ZBTB20: variants seen among roughly 807,000 people sequenced by gnomAD.
ZBTB20 encodes zinc finger and BTB domain-containing protein 20.
ZBTB20 carries 9 observed loss-of-function variants against 56.9 expected under a neutral mutation model. That is an observed-to-expected ratio of 0.16 (90% CI 0.10 to 0.28). The LOEUF (loss-of-function observed/expected upper bound fraction) is 0.28. Ranked by LOEUF, ZBTB20 falls within the 10% of genes least tolerant of loss-of-function variation. The pLI is 1.00. For missense variants in ZBTB20, 655 were observed against 1,003.0 expected, an observed-to-expected ratio of 0.65 and a Z score of 4.69; for synonymous variants, 417 against 420.7, an observed-to-expected ratio of 0.99 and a Z score of 0.11.
chr3:115,013,170 A>G (rs774782583), intron 2 of ZBTB20, among the ~76,000 whole-genome samples: 68 of 151,786 alleles, frequency 4.5e-4, no homozygotes, highest in Non-Finnish European at 7.8e-4. Context: ...CAAAAGCAAG[A>G]GCAAATCAAA....
intron 6 of ZBTB20, among the ~76,000 whole-genome samples, chr3:114,574,114 T>G (rs2053743270): frequency 6.6e-6 from 1 of 152,196 alleles, no homozygotes; most frequent in Non-Finnish European, 1.5e-5. Flanking sequence ...AAAATAACTT[T>G]AAGAACTATC....
intron 7 of ZBTB20, among the ~76,000 whole-genome samples, chr3:114,396,769 A>T (rs2086368962): frequency 6.6e-6 from 1 of 152,066 alleles, no homozygotes; most frequent in Non-Finnish European, 1.5e-5. Context: ...TATTTCTTGA[A>T]ATTTCTCAAA....
Position 115,132,776 on chromosome 3 carries a change from C to CA in ZBTB20, c.-703+14442dup, listed in dbSNP as rs150235427. On this transcript the variant is annotated intron_variant, in intron 1 of 11. Transcript: ENST00000675478. ...TGAGATCCTGTCTCAAAATAAAAGA[C>CA]AAAAAAAAACCCCCAAAATTTAGAA... Among the ~76,000 whole-genome samples, 1,041 of 150,566 alleles carry CA rather than the reference C, an allele frequency of 6.9e-3. 16 individuals are homozygous for CA. Among genetic ancestry groups the CA allele is most frequent in the African/African-American group, 0.024 (971 of 41,196 alleles).
At chr3:114,901,607 TA>T (rs1246539649) in intron 3 of ZBTB20, among the ~76,000 whole-genome samples, 1 of 151,978 alleles carries the variant, frequency 6.6e-6, no homozygotes, top group African/African-American at 2.4e-5. Context: ...TTTATGACAG[TA>T]AAAAACTATA....
chr3:114,787,433 G>T (rs28705347), intron 5 of ZBTB20, among the ~76,000 whole-genome samples: 1 of 115,342 alleles, frequency 8.7e-6, no homozygotes, highest in Non-Finnish European at 1.8e-5. Flanking sequence ...ATATATACAC[G>T]TATATACACA....
intron 5 of ZBTB20, among the ~76,000 whole-genome samples, chr3:114,785,714 G>A (rs1224027730): frequency 1.3e-5 from 2 of 151,984 alleles, no homozygotes; most frequent in Admixed American, 6.6e-5. Context: ...CATTACCACG[G>A]TCAAGATTAT....
intron 6 of ZBTB20, among the ~76,000 whole-genome samples, chr3:114,508,378 G>T (rs910435064): frequency 1.3e-5 from 2 of 152,116 alleles, no homozygotes; most frequent in African/African-American, 2.4e-5. Flanking sequence ...CAATGACCTT[G>T]TCTGAACCAA....
At chr3:114,998,533 AG>A (rs2079118034) in intron 2 of ZBTB20, among the ~76,000 whole-genome samples, 2 of 151,748 alleles carry the variant, frequency 1.3e-5, no homozygotes, top group South Asian at 4.1e-4. Flanking sequence ...AAGAAAGAAG[AG>A]GCATTAGAAT....
At chr3:114,774,021 T>C (rs950515461) in intron 5 of ZBTB20, among the ~76,000 whole-genome samples, 1 of 152,206 alleles carries the variant, frequency 6.6e-6, no homozygotes, top group Non-Finnish European at 1.5e-5. Context: ...TTTCCAATGA[T>C]TTTCGGCATT....
intron 6 of ZBTB20, among the ~76,000 whole-genome samples, chr3:114,557,096 C>A (rs144538567): frequency 1.8e-4 from 27 of 152,094 alleles, no homozygotes; most frequent in African/African-American, 6.0e-4. Flanking sequence ...AAGATGTAGA[C>A]AAATTAGGGA....
chr3:115,042,038 A>G (rs1448921724), intron 2 of ZBTB20, among the ~76,000 whole-genome samples: 2 of 152,124 alleles, frequency 1.3e-5, no homozygotes, highest in Non-Finnish European at 2.9e-5. Flanking sequence ...CAATCCCTCA[A>G]GAGCTGTCAT....
intron 4 of ZBTB20, among the ~76,000 whole-genome samples, chr3:114,803,609 G>A (rs140896206): frequency 0.012 from 1,752 of 151,664 alleles, 16 homozygotes; most frequent in South Asian, 0.041. Flanking sequence ...TCTCCTCATG[G>A]AACAAATCAG....
At chr3:115,068,602 T>C (rs2108503000) in intron 2 of ZBTB20, among the ~76,000 whole-genome samples, 1 of 152,240 alleles carries the variant, frequency 6.6e-6, no homozygotes, top group South Asian at 2.1e-4. Flanking sequence ...AGAATGATTG[T>C]ATTTCTTTTA....
At chr3:115,101,256 T>C (rs2083573290) in intron 1 of ZBTB20, among the ~76,000 whole-genome samples, 5 of 152,182 alleles carry the variant, frequency 3.3e-5, no homozygotes, top group Admixed American at 3.3e-4. Flanking sequence ...AATCTTTTAT[T>C]AGGAGGGAAA....
intron 7 of ZBTB20, among the ~76,000 whole-genome samples, chr3:114,400,938 G>A (rs575957007): frequency 2.2e-4 from 34 of 152,192 alleles, no homozygotes; most frequent in African/African-American, 7.2e-4. Context: ...TTTCTGTCTC[G>A]TTTGGAGGTG....
chr3:114,523,158 G>A (rs893762042), intron 6 of ZBTB20, among the ~76,000 whole-genome samples: 3 of 152,146 alleles, frequency 2.0e-5, no homozygotes, highest in African/African-American at 4.8e-5. Context: ...AACGCCAAGC[G>A]AAGAAAGTGT....
intron 7 of ZBTB20, among the ~76,000 whole-genome samples, chr3:114,390,623 C>A (rs564985261): frequency 1.2e-4 from 19 of 152,224 alleles, no homozygotes; most frequent in Non-Finnish European, 2.8e-4. Context: ...TCCTCCCTGA[C>A]CTCAACAATC....
chr3:114,614,938 A>G (rs914916900), intron 6 of ZBTB20, among the ~76,000 whole-genome samples: 1 of 151,998 alleles, frequency 6.6e-6, no homozygotes, highest in Non-Finnish European at 1.5e-5. Context: ...TTGTATTTTT[A>G]GTAGAGACGA....
chr3:114,356,808 A>T (rs2081301248), intron 10 of ZBTB20, among the ~76,000 whole-genome samples: 1 of 152,102 alleles, frequency 6.6e-6, no homozygotes, highest in African/African-American at 2.4e-5. Flanking sequence ...GTCCTGCTGA[A>T]TCCCTGCACT....
Sources: allele counts gnomAD v4.1 joint callset (sites outside exome capture counted in the v4.1 genomes callset), GRCh38; gene constraint gnomAD v4.1.1; transcripts MANE v1.5; gene names NCBI Gene and HGNC (gene_info 2026-07-23, HGNC 2026-07-21).